GALNT17: variants seen among roughly 807,000 people sequenced by gnomAD.
GALNT17 encodes polypeptide N-acetylgalactosaminyltransferase 17.
GALNT17 carries 29 observed loss-of-function variants against 63.7 expected under a neutral mutation model. The observed-to-expected ratio is 0.46, with a 90% CI of 0.34 to 0.62. GALNT17 has a LOEUF of 0.62. Ranked by LOEUF, GALNT17 falls within the 20% of genes least tolerant of loss-of-function variation. GALNT17 has a pLI of 0.01. For missense variants in GALNT17, 603 were observed against 799.6 expected (o/e 0.75, Z 2.97); for synonymous variants, 305 against 318.3 (o/e 0.96, Z 0.45).
intron 1 of GALNT17, among the ~76,000 whole-genome samples, chr7:71,257,955 T>G (rs139223081): frequency 1.3e-4 from 20 of 152,356 alleles, no homozygotes; most frequent in African/African-American, 4.6e-4. Context: ...CAGCTGTATT[T>G]GACCTCTGCA....
intron 1 of GALNT17, among the ~76,000 whole-genome samples, chr7:71,255,165 C>G (rs1790267223): frequency 6.6e-6 from 1 of 152,168 alleles, no homozygotes; most frequent in African/African-American, 2.4e-5. Context: ...CTGTCCCCAC[C>G]CAAATCTCAT....
intron 9 of GALNT17, among the ~76,000 whole-genome samples, chr7:71,683,475 T>A (rs144851132): frequency 1.3e-5 from 2 of 152,314 alleles, no homozygotes; most frequent in East Asian, 3.9e-4. Flanking sequence ...CGGACATCGC[T>A]AGCTTAATTA....
At chr7:71,270,046 C>T (rs996710340) in intron 1 of GALNT17, among the ~76,000 whole-genome samples, 2 of 152,134 alleles carry the variant, frequency 1.3e-5, no homozygotes, top group East Asian at 1.9e-4. Flanking sequence ...AACCTACCTC[C>T]CTGCTGCCCT....
intron 5 of GALNT17, among the ~76,000 whole-genome samples, chr7:71,529,672 T>C (rs1788682563): frequency 6.6e-6 from 1 of 152,178 alleles, no homozygotes; most frequent in South Asian, 2.1e-4. Context: ...CAAGTAGCAT[T>C]CTTTATTTTT....
At chr7:71,247,234 ATAAT>A (rs1790115071) in intron 1 of GALNT17, among the ~76,000 whole-genome samples, 1 of 152,236 alleles carries the variant, frequency 6.6e-6, no homozygotes, top group Non-Finnish European at 1.5e-5. Context: ...GAGTGAAAAC[ATAAT>A]TAAAGAAGTA....
At chr7:71,711,992 C>A (rs1218922036) in intron 10 of GALNT17, 26 bp from the exon 11 acceptor site, 1 of 1,613,362 alleles carries the variant, frequency 6.2e-7, no homozygotes, top group Non-Finnish European at 8.5e-7. Flanking sequence ...CTCTTCTCCT[C>A]TCTTCTCGAT....
intron 1 of GALNT17, chr7:71,284,646 T>TA (rs1177167001): frequency 6.6e-6 from 1 of 152,162 alleles, no homozygotes; most frequent in Non-Finnish European, 1.5e-5. Flanking sequence ...GTGAGTCTCT[T>TA]AAACCACATT....
intron 5 of GALNT17, among the ~76,000 whole-genome samples, chr7:71,494,966 G>T (rs969969905): frequency 6.6e-6 from 1 of 152,132 alleles, no homozygotes; most frequent in African/African-American, 2.4e-5. Flanking sequence ...TCTCCACCTG[G>T]TACAAATCAA....
At chr7:71,242,406 C>G (rs1790015722) in intron 1 of GALNT17, among the ~76,000 whole-genome samples, 1 of 151,468 alleles carries the variant, frequency 6.6e-6, no homozygotes, top group Non-Finnish European at 1.5e-5. Context: ...GTAGCTGGGA[C>G]TACAGGCGCC....
Position 71,588,067 on chromosome 7 carries a change from A to G in GALNT17, c.1080+16665A>G, listed in dbSNP as rs575809990. Among the ~76,000 whole-genome samples the G allele has an allele frequency of 1.9e-3, 285 of 152,328 alleles. 14 individuals carry two copies. Among genetic ancestry groups the G allele is most frequent in the Non-Finnish European group, 1.6e-3 (106 of 68,028 alleles). On this transcript the variant is annotated intron_variant, in intron 6 of 10. Transcript: ENST00000333538. ...GGTATTTAGAGACCGAAGTCTTGTC[A>G]GTGAGGGTGCTCATTGCCACTAGGT... is the stretch of plus-strand genomic sequence containing the variant.
chr7:71,689,386 CA>C (rs1791409030), intron 9 of GALNT17, among the ~76,000 whole-genome samples: 1 of 152,174 alleles, frequency 6.6e-6, no homozygotes, highest in Non-Finnish European at 1.5e-5. Flanking sequence ...CTCCAGTGAA[CA>C]CACGAATGCT....
chr7:71,391,814 T>G (rs2116355528), intron 3 of GALNT17, among the ~76,000 whole-genome samples: 1 of 152,172 alleles, frequency 6.6e-6, no homozygotes, highest in Middle Eastern at 3.4e-3. Flanking sequence ...AAAGAAGGTT[T>G]TATTTGTCTC....
At chr7:71,667,494 CA>C (rs1791002690) in intron 7 of GALNT17, among the ~76,000 whole-genome samples, 1 of 152,170 alleles carries the variant, frequency 6.6e-6, no homozygotes. Context: ...CTGTCTGCCT[CA>C]GTTTCCTCAT....
chr7:71,495,748 G>A (rs540135899), intron 5 of GALNT17, among the ~76,000 whole-genome samples: 34 of 152,232 alleles, frequency 2.2e-4, no homozygotes, highest in East Asian at 5.8e-4. Context: ...ATTGGGCATC[G>A]TAATAATGCC....
intron 5 of GALNT17, among the ~76,000 whole-genome samples, chr7:71,570,467 C>T (rs1400179903): frequency 1.3e-5 from 2 of 152,090 alleles, no homozygotes; most frequent in Non-Finnish European, 2.9e-5. Context: ...TCCTAACTTG[C>T]TCATTCTCTT....
At chr7:71,440,244 G>T (rs1448505781) in intron 5 of GALNT17, among the ~76,000 whole-genome samples, 1 of 151,742 alleles carries the variant, frequency 6.6e-6, no homozygotes, top group Non-Finnish European at 1.5e-5. Context: ...ACTGTATCCT[G>T]AAAGGCTGAA....
At chr7:71,427,521 C>T (rs1034120734) in intron 5 of GALNT17, among the ~76,000 whole-genome samples, 2 of 151,852 alleles carry the variant, frequency 1.3e-5, no homozygotes, top group Non-Finnish European at 2.9e-5. Flanking sequence ...CTTTTTTGAC[C>T]CCATGCAGGC....
intron 5 of GALNT17, among the ~76,000 whole-genome samples, chr7:71,424,995 T>A (rs1428450825): frequency 6.6e-6 from 1 of 151,812 alleles, no homozygotes; most frequent in Non-Finnish European, 1.5e-5. Flanking sequence ...TATATTAATA[T>A]TTTTTTTGTC....
At chr7:71,689,629 G>A (rs1374779377) in intron 9 of GALNT17, among the ~76,000 whole-genome samples, 1 of 152,234 alleles carries the variant, frequency 6.6e-6, no homozygotes, top group Non-Finnish European at 1.5e-5. Flanking sequence ...CAACATAATG[G>A]TGCAGGGTGA....
Sources: gnomAD v4.1 joint callset for allele counts (sites outside exome capture counted in the v4.1 genomes callset) on GRCh38, gnomAD v4.1.1 for gene constraint, MANE v1.5 for transcripts, NCBI Gene and HGNC (gene_info 2026-07-23, HGNC 2026-07-21) for gene names.